Variants in ROCK1 observed in about 807,000 individuals in gnomAD.
ROCK1 encodes the protein rho-associated protein kinase 1.
A neutral mutation model predicts 196.8 loss-of-function variants in ROCK1; 36 were observed. That is an observed-to-expected ratio of 0.18 (90% CI 0.14 to 0.24). The LOEUF (loss-of-function observed/expected upper bound fraction) is 0.24, where lower values mean the gene tolerates loss of function less well. Among genes scored for constraint, ROCK1 ranks in the 10% least tolerant of loss-of-function variants. The probability of loss-of-function intolerance (pLI) is 1.00; values close to 1 mark genes in which losing one functional copy is unlikely to be tolerated. For synonymous variants in ROCK1, 443 were observed against 515.9 expected (o/e 0.86, Z 1.91); for missense variants, 920 against 1,562.0 (o/e 0.59, Z 6.93).
chr18:20,989,427 T>A (rs1007486257), intron 18 of ROCK1, among the ~76,000 whole-genome samples: 1 of 152,194 alleles, frequency 6.6e-6, no homozygotes, highest in Non-Finnish European at 1.5e-5. Flanking sequence ...TAATTTAAGA[T>A]GCCAACACAT....
Position 20,947,718 on chromosome 18 carries a change from T to C in ROCK1, c.*3666A>G, listed in dbSNP as rs549657246. 81 of 152,316 alleles carry C rather than the reference T, an allele frequency of 5.3e-4. No individual in the cohort carries two copies. The highest frequency in any genetic ancestry group is 1.6e-3 in the African/African-American group (68 of 41,580). 9.4% of individuals were successfully genotyped at this position (152,316 alleles called of 1,614,324 possible). A position where few individuals can be genotyped will look rare whatever the true frequency, so the allele number is the denominator to read the frequency against. Reference sequence around the variant, plus strand: ...ATCATTTGTTTATTTAAAAAAACCATTTCCGTTTATTCATGTCTTTTTAAA... The same window carrying C: ...ATCATTTGTTTATTTAAAAAAACCACTTCCGTTTATTCATGTCTTTTTAAA... On this transcript the variant is annotated 3_prime_UTR_variant, in exon 33 of 33. Transcript: ENST00000399799.
intron 31 of ROCK1, 49 bp downstream of exon 31, chr18:20,954,734 C>G (rs1343657642): frequency 3.9e-6 from 6 of 1,533,384 alleles, no homozygotes; most frequent in Non-Finnish European, 5.3e-6. Flanking sequence ...TTCATTGAGA[C>G]TTAAAATTAA....
intron 12 of ROCK1, among the ~76,000 whole-genome samples, chr18:21,017,650 A>G (rs1191444079): frequency 2.0e-5 from 3 of 152,060 alleles, no homozygotes; most frequent in African/African-American, 7.2e-5. Context: ...TGTAACTAAA[A>G]TGATTTGAAT....
At chr18:21,003,010 T>A (rs956159356) in intron 16 of ROCK1, among the ~76,000 whole-genome samples, 1 of 152,042 alleles carries the variant, frequency 6.6e-6, no homozygotes, top group Non-Finnish European at 1.5e-5. Flanking sequence ...AAAGTGTTGG[T>A]TTTACAGGTG....
chr18:20,993,950 T>A (rs1429305140), intron 16 of ROCK1, among the ~76,000 whole-genome samples: 1 of 152,210 alleles, frequency 6.6e-6, no homozygotes, highest in East Asian at 1.9e-4. Context: ...GTAAAACTTC[T>A]GTACTACTCA....
chr18:20,952,393 AT>A lies in ROCK1; in HGVS notation c.4062-1007del, dbSNP rs2035197726. On this transcript the variant is annotated intron_variant, in intron 32 of 32. Coordinates refer to ENST00000399799, the MANE Select transcript of ROCK1 (RefSeq NM_005406.3). ...CGAGACTCTGTCTCAAAATGAATGAATGAATGAATGAATGAATGAATGAATG... is the reference window on the plus strand; with the variant it reads ...CGAGACTCTGTCTCAAAATGAATGAAGAATGAATGAATGAATGAATGAATG... 4.0e-5 allele frequency among the ~76,000 whole-genome samples: 6 copies of A among 151,234 alleles called. No individual in the cohort carries two copies. In the South Asian group the frequency reaches 1.0e-3, roughly 26 times the overall value.
chr18:20,978,963 T>C (rs1312004050), intron 22 of ROCK1, among the ~76,000 whole-genome samples: 19 of 152,238 alleles, frequency 1.2e-4, no homozygotes, highest in Admixed American at 1.2e-3. Context: ...AAAGAGAATA[T>C]AACAATGTTG....
intron 1 of ROCK1, among the ~76,000 whole-genome samples, chr18:21,085,007 TATTG>T (rs1194617061): frequency 1.3e-5 from 2 of 151,902 alleles, no homozygotes; most frequent in East Asian, 3.9e-4. Flanking sequence ...AAAGGAAAAA[TATTG>T]TATGATTCCA....
At chr18:21,078,005 G>A (rs2143563984) in intron 1 of ROCK1, among the ~76,000 whole-genome samples, 1 of 152,272 alleles carries the variant, frequency 6.6e-6, no homozygotes, top group East Asian at 1.9e-4. Context: ...CAAATGGACT[G>A]CAGTCATTTG....
At chr18:21,042,797 C>A in intron 6 of ROCK1, 88 bp from the exon 7 acceptor site, 3 of 1,280,324 alleles carry the variant, frequency 2.3e-6, no homozygotes, top group South Asian at 1.5e-5. Context: ...ACCTATGGGA[C>A]TCCAAATCTT....
At chr18:21,065,270 A>G (rs1310591727) in intron 2 of ROCK1, among the ~76,000 whole-genome samples, 1 of 152,180 alleles carries the variant, frequency 6.6e-6, no homozygotes, top group African/African-American at 2.4e-5. Context: ...TACCAACTGT[A>G]CTGTATGCTT....
chr18:20,970,605 T>C (rs1226786836), intron 22 of ROCK1, 92 bp from the exon 23 acceptor site: 5 of 803,712 alleles, frequency 6.2e-6, no homozygotes, highest in Non-Finnish European at 9.6e-6. Flanking sequence ...TAACTTTAAA[T>C]GATAAAAAGA....
chr18:21,073,340 G>A (rs1410867812), intron 1 of ROCK1, among the ~76,000 whole-genome samples: 1 of 152,138 alleles, frequency 6.6e-6, no homozygotes, highest in Non-Finnish European at 1.5e-5. Flanking sequence ...CACATTTCCT[G>A]AGAAGCACTG....
chr18:21,001,550 G>A (rs1383216489), intron 16 of ROCK1, among the ~76,000 whole-genome samples: 2 of 151,890 alleles, frequency 1.3e-5, no homozygotes, highest in African/African-American at 4.8e-5. Context: ...GGCAGATCAC[G>A]AGGTCAAGAG....
chr18:21,041,923 T>C (rs2036110525), intron 8 of ROCK1, among the ~76,000 whole-genome samples, 174 bp downstream of exon 8: 1 of 151,972 alleles, frequency 6.6e-6, no homozygotes, highest in Non-Finnish European at 1.5e-5. Context: ...TTAGGTATGA[T>C]AAGTGAGTTG....
intron 1 of ROCK1, 42 bp from the exon 2 acceptor site, chr18:21,070,655 T>G (rs1354278951): frequency 3.2e-6 from 4 of 1,236,366 alleles, no homozygotes; most frequent in Non-Finnish European, 4.6e-6. Context: ...TTGGATCACA[T>G]TATACAGTCT....
intron 13 of ROCK1, among the ~76,000 whole-genome samples, chr18:21,014,600 C>G (rs777640782): frequency 6.6e-6 from 1 of 152,142 alleles, no homozygotes; most frequent in Non-Finnish European, 1.5e-5. Context: ...CAAAAAAGGA[C>G]TCCTTAAACA....
At position 20,966,947 on chromosome 18, in the gene ROCK1, T is replaced by C; in HGVS notation, c.3322A>G (p.Ser1108Gly). 2 of 1,613,382 alleles carry C rather than the reference T, an allele frequency of 1.2e-6. No homozygotes were observed. Among genetic ancestry groups the C allele is most frequent in the Non-Finnish European group, 1.7e-6 (2 of 1,179,476 alleles). The change falls in exon 27 of 33, where the codon AGT (serine) becomes GGT (glycine). Residue 1108 changes from serine (S) to glycine (G), a missense_variant. Physicochemically the swap from Ser to Gly is moderately conservative, Grantham distance 56. Transcript: ENST00000399799. ...AGGTTACCATCAGTTTCATCAGCAC[T>C]AGGAAAACTAGCAACACTTGTAGAA... ...SDSTSVASFP[S>G]ADETDGNLPE...
In ROCK1 at chr18:20,954,803, T is replaced by C; in HGVS notation, c.3833A>G (p.Asp1278Gly). The change falls in exon 31 of 33, where the codon GAC becomes GGC. Residue 1278 changes from aspartate to glycine, a missense_variant. Physicochemically the swap from Asp to Gly is moderately conservative, Grantham distance 94. Transcript: ENST00000399799. ...CHRDHLDKKE[D>G]LICPCKVSYD... ...CTTACCTTTACATGGACAAATTAAG[T>C]CCTCTTTCTTATCTAAGTGATCTCT... is the stretch of plus-strand genomic sequence containing the variant. 1 of 1,609,830 alleles carries C rather than the reference T, an allele frequency of 6.2e-7. No homozygotes were observed. Among genetic ancestry groups the C allele is most frequent in the Non-Finnish European group, 8.5e-7 (1 of 1,178,544 alleles).
Sources: gnomAD v4.1 joint callset for allele counts (sites outside exome capture counted in the v4.1 genomes callset) on GRCh38, gnomAD v4.1.1 for gene constraint, MANE v1.5 for transcripts, NCBI Gene and HGNC (gene_info 2026-07-23, HGNC 2026-07-21) for gene names.